Variants in IFNL1 observed in about 807,000 individuals in gnomAD.
IFNL1 encodes the protein interferon lambda-1.
Under a neutral mutation model 17.1 loss-of-function variants are expected in IFNL1, and 16 were observed. That is an observed-to-expected ratio of 0.93 (90% CI 0.63 to 1.42). The LOEUF (loss-of-function observed/expected upper bound fraction) is 1.42. Among genes scored for constraint, IFNL1 ranks in the 40% most tolerant of loss-of-function variants. The pLI is 0.00. For synonymous variants in IFNL1, 104 were observed against 111.4 expected (o/e 0.93, Z 0.42); for missense variants, 262 against 249.4 (o/e 1.05, Z -0.34).
chr19:39,298,607 G>C lies in IFNL1; in HGVS notation c.*91G>C. On this transcript the variant is annotated 3_prime_UTR_variant, in exon 5 of 5. Coordinates refer to ENST00000333625, the MANE Select transcript of IFNL1 (RefSeq NM_172140.2). ...TTTATGAAGCTGCAGCCCTGACTGA[G>C]ACATAGGGCTGAGTTTATTGTTTTA... 6.9e-7 allele frequency: 1 copy of C among 1,446,492 alleles called. No homozygotes were observed. Among genetic ancestry groups the C allele is most frequent in the Non-Finnish European group, 9.5e-7 (1 of 1,047,542 alleles). The allele number at this position is 1,446,492 out of a possible 1,614,324, so 89.6% of individuals were successfully genotyped here.
At chr19:39,297,412 G>A (rs752699205) in intron 2 of IFNL1, among the ~76,000 whole-genome samples, 9 of 145,114 alleles carry the variant, frequency 6.2e-5, no homozygotes, top group Admixed American at 7.2e-5. Context: ...TCTGCCTCCC[G>A]GGTTCAAGCA....
At position 39,298,289 on chromosome 19, in the gene IFNL1, C is replaced by T. The variant is rs749919689; in HGVS notation, c.470C>T (p.Pro157Leu). ...HHWLHRLQEA[P>L]KKESAGCLEA... ...TGGCTGCACCGGCTCCAGGAGGCCC[C>T]CAAAAAGGTGAGTGACCCAGGAAGA... Residue 157 changes from proline to leucine, a missense_variant, in exon 4 of 5, where the codon CCC becomes CTC. Transcript: ENST00000333625. 6 of 1,614,094 alleles carry T rather than the reference C, an allele frequency of 3.7e-6. No individual in the cohort carries two copies. Among genetic ancestry groups the T allele is most frequent in the Non-Finnish European group, 5.1e-6 (6 of 1,179,982 alleles).
chr19:39,298,181 C>G, intron 3 of IFNL1, 32 bp from the exon 4 acceptor site: 1 of 1,613,728 alleles, frequency 6.2e-7, no homozygotes, highest in Non-Finnish European at 8.5e-7. Context: ...GGCCCAGGCT[C>G]CGCCTCACAC....
Position 39,298,195 on chromosome 19 carries a change from G to A in IFNL1, c.394-18G>A, listed in dbSNP as rs915490112. 1.5e-5 allele frequency: 24 copies of A among 1,613,718 alleles called. No homozygotes were observed. Among genetic ancestry groups the A allele is most frequent in the Admixed American group, 1.7e-5 (1 of 59,964 alleles). ...TGGCCCAGGCTCCGCCTCACACACC[G>A]CCCTCTTCTGCCCACAGATCCAGCC... On this transcript the variant is annotated intron_variant, in intron 3 of 4. Transcript: ENST00000333625.
intron 2 of IFNL1, among the ~76,000 whole-genome samples, chr19:39,297,534 G>A (rs2075103463): frequency 6.6e-6 from 1 of 151,856 alleles, no homozygotes. Context: ...GGCCAGGCTT[G>A]GTCTCGAAAT....
intron 4 of IFNL1, 25 bp downstream of exon 4, chr19:39,298,321 C>T (rs1363702840): frequency 6.2e-7 from 1 of 1,614,114 alleles, no homozygotes; most frequent in South Asian, 1.1e-5. Context: ...AAGAGAAGGA[C>T]CAGGGTCTGG....
chr19:39,296,919 G>T (rs755137265), intron 2 of IFNL1, 37 bp downstream of exon 2: 3 of 1,509,838 alleles, frequency 2.0e-6, no homozygotes, highest in Non-Finnish European at 1.8e-6. Context: ...CCCTTCCCTT[G>T]ACCCTCTCCC....
At chr19:39,298,330 G>C (rs1311824648) in intron 4 of IFNL1, 34 bp downstream of exon 4, 1 of 1,613,850 alleles carries the variant, frequency 6.2e-7, no homozygotes, top group African/African-American at 1.3e-5. Context: ...ACCAGGGTCT[G>C]GGGAGCCAAT....
intron 1 of IFNL1, 58 bp downstream of exon 1, chr19:39,296,650 C>G: frequency 6.5e-7 from 1 of 1,533,538 alleles, no homozygotes; most frequent in Non-Finnish European, 8.9e-7. Flanking sequence ...TACTGCCCTT[C>G]TACTGTGGGC....
rs563518315 is a variant in IFNL1 at position 39,297,071 on chromosome 19, T to C, written c.249+189T>C. 9.2e-5 allele frequency among the ~76,000 whole-genome samples: 14 copies of C among 152,154 alleles called. No individual in the cohort carries two copies. In the East Asian group the frequency reaches 2.5e-3, roughly 27 times the overall value. On this transcript the variant is annotated intron_variant, in intron 2 of 4. Transcript: ENST00000333625. The stretch of plus-strand genomic sequence containing the variant: ...CTTCCCCTGGGTCCCTTTTATCATC[T>C]CCCATCGGCCCCACTTCCCTAGCTC...
At chr19:39,297,942 G>A (rs1018857498) in intron 2 of IFNL1, 22 bp from the exon 3 acceptor site, 13 of 1,613,792 alleles carry the variant, frequency 8.1e-6, no homozygotes, top group Non-Finnish European at 1.1e-5. Context: ...TCCCTCACCT[G>A]CTCTTTCTCA....
At chr19:39,296,638 A>G (rs758510976) in intron 1 of IFNL1, 46 bp downstream of exon 1, 6 of 1,571,356 alleles carry the variant, frequency 3.8e-6, no homozygotes, top group Admixed American at 3.6e-5. Context: ...GGGTGTCCCA[A>G]TTACTGCCCT....
chr19:39,297,601 T>G (rs2075103825), intron 2 of IFNL1, among the ~76,000 whole-genome samples: 1 of 152,098 alleles, frequency 6.6e-6, no homozygotes, highest in African/African-American at 2.4e-5. Flanking sequence ...ATTACAGGCG[T>G]GAGCCACCAC....
At position 39,298,497 on chromosome 19, in the gene IFNL1, C is replaced by A. The variant is rs759067456; in HGVS notation, c.584C>A (p.Thr195Asn). 1 of 1,614,200 alleles carries A rather than the reference C, an allele frequency of 6.2e-7. No homozygotes were observed. Residue 195 changes from threonine to asparagine, a missense_variant, in exon 5 of 5, where the codon ACC (threonine) becomes AAC (asparagine). By Grantham distance (65) the Thr-to-Asn change is moderately conservative (BLOSUM62 0). Transcript: ENST00000333625. ...ADGNLCLRTS[T>N]HPEST ...GGGAACCTGTGTCTGAGAACGTCAACCCACCCTGAGTCCACCTGACACCCC... is the reference window on the plus strand; with the variant it reads ...GGGAACCTGTGTCTGAGAACGTCAAACCACCCTGAGTCCACCTGACACCCC...
chr19:39,298,090 T>C lies in IFNL1; in HGVS notation c.376T>C (p.Ser126Pro), dbSNP rs1018552350. The change falls in exon 3 of 5, where the codon TCC (serine) becomes CCC (proline). Residue 126 changes from serine (S) to proline (P), a missense_variant. Transcript: ENST00000333625. The stretch of plus-strand genomic sequence containing the variant: ...CCTTCACACCCTGCACCACATCCTC[T>C]CCCAGCTCCAGGCCTGTGTGAGTCC... ...QPLHTLHHIL[S>P]QLQACIQPQP... is the part of the protein sequence containing the mutation. The C allele has an allele frequency of 1.2e-6, 2 of 1,613,872 alleles. No individual in the cohort carries two copies. Among genetic ancestry groups the C allele is most frequent in the African/African-American group, 2.7e-5 (2 of 74,914 alleles).
At chr19:39,297,674 G>A (rs940268766) in intron 2 of IFNL1, among the ~76,000 whole-genome samples, 6 of 151,676 alleles carry the variant, frequency 4.0e-5, no homozygotes, top group Admixed American at 3.9e-4. Context: ...CCCCCAACCT[G>A]CTTTCTCCTC....
At position 39,296,801 on chromosome 19, in the gene IFNL1, C is replaced by T. The variant is rs2075100622; in HGVS notation, c.172-4C>T. On this transcript the variant is annotated splice_region_variant and splice_polypyrimidine_tract_variant and intron_variant, in intron 1 of 4. Coordinates refer to ENST00000333625, the MANE Select transcript of IFNL1 (RefSeq NM_172140.2). ...GTGGGCTAACCCCTGCCCTTGCTCT[C>T]TAGGAAGAGTCACTCAAGCTGAAAA... The T allele has an allele frequency of 1.2e-6, 2 of 1,613,358 alleles. No homozygotes were observed. Among genetic ancestry groups the T allele is most frequent in the Admixed American group, 1.7e-5 (1 of 59,988 alleles).
In IFNL1 at chr19:39,296,512, G is replaced by A; in HGVS notation, c.91G>A (p.Gly31Arg). 6.2e-7 allele frequency: 1 copy of A among 1,613,764 alleles called. No homozygotes were observed. The highest frequency in any genetic ancestry group is 1.1e-5 in the South Asian group (1 of 91,052). The stretch of plus-strand genomic sequence containing the variant: ...CCCCACTTCCAAGCCCACCACAACT[G>A]GGAAGGGCTGCCACATTGGCAGGTT... Reference protein sequence around the residue: ...PVPTSKPTTTGKGCHIGRFKS... With the variant: ...PVPTSKPTTTRKGCHIGRFKS... Residue 31 changes from glycine to arginine, a missense_variant, in exon 1 of 5, where the codon GGG becomes AGG. By Grantham distance (125) the Gly-to-Arg change is moderately radical. Coordinates refer to ENST00000333625, the MANE Select transcript of IFNL1 (RefSeq NM_172140.2).
chr19:39,297,147 T>C (rs2075101791), intron 2 of IFNL1, among the ~76,000 whole-genome samples: 2 of 151,864 alleles, frequency 1.3e-5, no homozygotes, highest in African/African-American at 2.4e-5. Flanking sequence ...CTCTCCCAAA[T>C]GTCTCCAGTC....
Sources: gnomAD v4.1 joint callset for allele counts (sites outside exome capture counted in the v4.1 genomes callset) on GRCh38, gnomAD v4.1.1 for gene constraint, MANE v1.5 for transcripts, NCBI Gene and HGNC (gene_info 2026-07-23, HGNC 2026-07-21) for gene names.